CEMIP: variants seen among roughly 807,000 people sequenced by gnomAD.
CEMIP encodes the protein cell migration-inducing and hyaluronan-binding protein.
A neutral mutation model predicts 156.9 loss-of-function variants in CEMIP; 105 were observed. That is an observed-to-expected ratio of 0.67 (90% CI 0.57 to 0.79). The LOEUF is 0.79. CEMIP is among the 30% of genes least tolerant of loss of function. The pLI, the probability that CEMIP is intolerant of heterozygous loss-of-function variation, is 0.00. For missense variants in CEMIP, 1,457 were observed against 1,769.4 expected (o/e 0.82, Z 3.17); for synonymous variants, 676 against 668.4 (o/e 1.01, Z -0.17).
chr15:80,891,892 G>A (rs1343142433), intron 10 of CEMIP, among the ~76,000 whole-genome samples: 1 of 152,166 alleles, frequency 6.6e-6, no homozygotes, highest in African/African-American at 2.4e-5. Flanking sequence ...GAAAAACAAA[G>A]CCAGTCTTTC....
At chr15:80,841,261 C>T (rs941739004) in intron 1 of CEMIP, among the ~76,000 whole-genome samples, 6 of 152,222 alleles carry the variant, frequency 3.9e-5, no homozygotes, top group Non-Finnish European at 7.3e-5. Flanking sequence ...TACACATCTG[C>T]AGGCCAGACT....
intron 5 of CEMIP, among the ~76,000 whole-genome samples, chr15:80,880,207 G>A (rs1177098029): frequency 6.6e-6 from 1 of 152,220 alleles, no homozygotes; most frequent in East Asian, 1.9e-4. Flanking sequence ...CCCTGGCTGT[G>A]TTCCCTCTTT....
At chr15:80,889,230 A>G (rs560620169) in intron 9 of CEMIP, among the ~76,000 whole-genome samples, 24 of 152,388 alleles carry the variant, frequency 1.6e-4, no homozygotes, top group African/African-American at 4.6e-4. Context: ...TGCTTTTGCA[A>G]TAACAAAGAA....
At chr15:80,804,083 T>C (rs1464676285) in intron 1 of CEMIP, among the ~76,000 whole-genome samples, 2 of 152,206 alleles carry the variant, frequency 1.3e-5, no homozygotes, top group Non-Finnish European at 2.9e-5. Flanking sequence ...CCATCAGATC[T>C]TGCGATACTT....
intron 1 of CEMIP, among the ~76,000 whole-genome samples, chr15:80,848,884 A>T (rs1897631455): frequency 9.8e-6 from 1 of 102,482 alleles, no homozygotes. Context: ...GTGTTCTCTG[A>T]TGAGCGTGTG....
intron 14 of CEMIP, among the ~76,000 whole-genome samples, chr15:80,914,236 C>T (rs555611400): frequency 2.6e-4 from 40 of 152,300 alleles, no homozygotes; most frequent in African/African-American, 9.4e-4. Flanking sequence ...ATGGAATGGT[C>T]CAGTACTTTT....
intron 8 of CEMIP, 54 bp from the exon 9 acceptor site, chr15:80,888,647 C>A (rs1898931367): frequency 1.3e-6 from 2 of 1,527,276 alleles, no homozygotes; most frequent in Non-Finnish European, 1.8e-6. Flanking sequence ...GGAGTCACAA[C>A]TTTTTGAATT....
At chr15:80,891,127 A>T (rs1247625311) in intron 10 of CEMIP, among the ~76,000 whole-genome samples, 2 of 151,900 alleles carry the variant, frequency 1.3e-5, no homozygotes, top group Non-Finnish European at 2.9e-5. Flanking sequence ...CTCTTTACCA[A>T]CCTCCCCTCT....
chr15:80,838,605 G>A lies in CEMIP; in HGVS notation c.-175-34933G>A, dbSNP rs935989310. Among the ~76,000 whole-genome samples the A allele has an allele frequency of 5.3e-5, 8 of 151,968 alleles. 1 individual carries two copies. In the South Asian group the frequency reaches 8.3e-4, roughly 16 times the overall value. Reference sequence around the variant, plus strand: ...TTCTCTTTCCTCTATGTTGTTCTACGCGCCTCATCCACCTCACTAGTCAGG... The same window carrying A: ...TTCTCTTTCCTCTATGTTGTTCTACACGCCTCATCCACCTCACTAGTCAGG... On this transcript the variant is annotated intron_variant, in intron 1 of 29. Coordinates refer to ENST00000394685, the MANE Select transcript of CEMIP (RefSeq NM_001293298.2).
intron 13 of CEMIP, 129 bp from the exon 14 acceptor site, chr15:80,908,968 T>C (rs1899924178): frequency 3.3e-6 from 3 of 896,142 alleles, no homozygotes; most frequent in Non-Finnish European, 5.4e-6. Flanking sequence ...GAGAATATCT[T>C]TGATTTACTG....
At chr15:80,882,757 TACACACACAC>T (rs67853416) in intron 6 of CEMIP, among the ~76,000 whole-genome samples, 4 of 149,854 alleles carry the variant, frequency 2.7e-5, no homozygotes, top group East Asian at 2.0e-4. Context: ...TGCACACACA[TACACACACAC>T]ACACACACAC....
intron 1 of CEMIP, among the ~76,000 whole-genome samples, chr15:80,798,099 T>C (rs904897580): frequency 2.0e-5 from 3 of 152,222 alleles, no homozygotes; most frequent in Admixed American, 6.5e-5. Context: ...TTTTCCATTA[T>C]ATAAGCCATA....
intron 29 of CEMIP, chr15:80,948,338 CCTCT>C (rs1221019244): frequency 3.7e-6 from 1 of 269,158 alleles, no homozygotes; most frequent in African/African-American, 2.2e-5. Flanking sequence ...AATTTCTTCA[CCTCT>C]CAGAACTCTT....
rs534799530 is a variant in CEMIP at position 80,815,991 on chromosome 15, A to G, written c.-176+36377A>G. ...GTCCATTACCGGTGCCCTCTTTCCAATATTCCTCCAGATTGAAATTTATGC... is the reference window on the plus strand; with the variant it reads ...GTCCATTACCGGTGCCCTCTTTCCAGTATTCCTCCAGATTGAAATTTATGC... On this transcript the variant is annotated intron_variant, in intron 1 of 29. Coordinates refer to ENST00000394685, the MANE Select transcript of CEMIP (RefSeq NM_001293298.2). Among the ~76,000 whole-genome samples the G allele has an allele frequency of 7.2e-5, 11 of 152,334 alleles. No individual in the cohort carries two copies. In the East Asian group the frequency reaches 2.1e-3, roughly 29 times the overall value.
chr15:80,864,725 A>C (rs376973068), intron 1 of CEMIP, among the ~76,000 whole-genome samples: 19 of 152,320 alleles, frequency 1.2e-4, no homozygotes, highest in African/African-American at 4.6e-4. Context: ...TACATTTTCA[A>C]ATATTTAGGA....
chr15:80,813,259 T>C (rs1042797127), intron 1 of CEMIP, among the ~76,000 whole-genome samples: 1 of 152,232 alleles, frequency 6.6e-6, no homozygotes, highest in East Asian at 1.9e-4. Flanking sequence ...CAGATGTACT[T>C]AGAACAGTGG....
At chr15:80,893,647 A>G (rs924639043) in intron 10 of CEMIP, among the ~76,000 whole-genome samples, 2 of 152,140 alleles carry the variant, frequency 1.3e-5, no homozygotes, top group Non-Finnish European at 2.9e-5. Flanking sequence ...CTCCGTCTAA[A>G]AGCAAGTTTG....
At chr15:80,795,455 C>T (rs965282481) in intron 1 of CEMIP, among the ~76,000 whole-genome samples, 3 of 151,764 alleles carry the variant, frequency 2.0e-5, no homozygotes, top group Non-Finnish European at 4.4e-5. Context: ...AATGGACAGA[C>T]AGGATGGTGG....
chr15:80,837,911 G>T (rs1336150924), intron 1 of CEMIP, among the ~76,000 whole-genome samples: 1 of 152,154 alleles, frequency 6.6e-6, no homozygotes, highest in Non-Finnish European at 1.5e-5. Flanking sequence ...GCTTTCCTCT[G>T]TGCCCTCCAC....
Sources: gnomAD v4.1 joint callset for allele counts (sites outside exome capture counted in the v4.1 genomes callset) on GRCh38, gnomAD v4.1.1 for gene constraint, MANE v1.5 for transcripts, NCBI Gene and HGNC (gene_info 2026-07-23, HGNC 2026-07-21) for gene names.